PLEKHM1: variants seen among roughly 807,000 people sequenced by gnomAD.
PLEKHM1 encodes pleckstrin homology domain-containing family M member 1.
PLEKHM1 carries 28 observed loss-of-function variants against 94.3 expected under a neutral mutation model. The ratio of observed to expected loss-of-function variants is 0.30; its 90% CI spans 0.22 to 0.41. The LOEUF is 0.41. Among genes scored for constraint, PLEKHM1 ranks in the 10% least tolerant of loss-of-function variants. The pLI, the probability that PLEKHM1 is intolerant of heterozygous loss-of-function variation, is 1.00. For missense variants in PLEKHM1, 907 were observed against 1,358.6 expected (o/e 0.67, Z 5.22); for synonymous variants, 424 against 581.2 (o/e 0.73, Z 3.89).
chr17:45,445,766 T>G lies in PLEKHM1; in HGVS notation c.2644-103A>C. On this transcript the variant is annotated intron_variant, in intron 8 of 11. Transcript: ENST00000430334. This position sits in a 1 kb window ranked among gnomAD's most constrained non-coding sequence, Gnocchi z 4.2. The stretch of plus-strand genomic sequence containing the variant: ...CTGCTCACTTACCTGAGGGGCTATC[T>G]TCATTTTACAGATGGGGAAACTGAG... 1 of 810,134 alleles carries G rather than the reference T, an allele frequency of 1.2e-6. No homozygotes were observed. Among genetic ancestry groups the G allele is most frequent in the South Asian group, 1.4e-5 (1 of 70,792 alleles). The allele number at this position is 810,134 out of a possible 1,614,324, so 50.2% of individuals were successfully genotyped here. A position where few individuals can be genotyped will look rare whatever the true frequency, so the allele number is the denominator to read the frequency against.
chr17:45,440,942 C>T (rs959849784), intron 9 of PLEKHM1: 1 of 156,156 alleles, frequency 6.4e-6, no homozygotes, highest in African/African-American at 2.4e-5. Flanking sequence ...TTCAGTGCTA[C>T]ACTGGTTTCA....
chr17:45,457,764 A>C (rs1311152470), intron 6 of PLEKHM1, among the ~76,000 whole-genome samples: 1 of 152,114 alleles, frequency 6.6e-6, no homozygotes, highest in East Asian at 1.9e-4. Flanking sequence ...AGATTTGATC[A>C]AGCCACCCAG....
chr17:45,460,385 G>A (rs1193035092), intron 5 of PLEKHM1: 3 of 151,974 alleles, frequency 2.0e-5, no homozygotes, highest in Non-Finnish European at 2.9e-5. Flanking sequence ...TCGGCCTCCC[G>A]AGTAGCTGGG....
At chr17:45,480,888 G>A (rs1449200594) in intron 2 of PLEKHM1, among the ~76,000 whole-genome samples, 1 of 152,174 alleles carries the variant, frequency 6.6e-6, no homozygotes, top group Non-Finnish European at 1.5e-5. Context: ...GAACATCCAT[G>A]TACAAGTTTT....
In PLEKHM1 at chr17:45,436,044, T is replaced by G. The variant is rs1282362803; in HGVS notation, c.*1814A>C. 2.2e-6 allele frequency: 1 copy of G among 456,516 alleles called. No individual in the cohort carries two copies. Among genetic ancestry groups the G allele is most frequent in the Admixed American group, 2.3e-5 (1 of 42,566 alleles). The allele number at this position is 456,516 out of a possible 1,614,324, so 28.3% of individuals were successfully genotyped here. On this transcript the variant is annotated 3_prime_UTR_variant, in exon 12 of 12. Coordinates refer to ENST00000430334, the MANE Select transcript of PLEKHM1 (RefSeq NM_014798.3). ...GCATAAAATAACATTTTAAAAATAG[T>G]GTGGGCACTACCTTTCTGAGGGAGG...
chr17:45,484,467 T>C (rs1438078897), intron 1 of PLEKHM1, among the ~76,000 whole-genome samples: 1 of 152,242 alleles, frequency 6.6e-6, no homozygotes, highest in Non-Finnish European at 1.5e-5. Flanking sequence ...TTCAGCCAAT[T>C]GCCAATCAGG....
rs760898233 is a variant in PLEKHM1 at position 45,475,330 on chromosome 17, G to A, written c.693C>T (p.Asp231=). The A allele has an allele frequency of 2.5e-6, 4 of 1,613,990 alleles. No individual in the cohort carries two copies. The South Asian group carries it at 4.4e-5, about 18-fold the overall frequency. The part of the protein sequence containing the change: ...DSISHSSGSE[D]IEVHHSGHKI... Reference sequence around the variant, plus strand: ...TATGGCCCGAGTGATGGACTTCGATGTCTTCAGAGCCTGAAGAATGGGAAA... The same window carrying A: ...TATGGCCCGAGTGATGGACTTCGATATCTTCAGAGCCTGAAGAATGGGAAA... The change falls in exon 4 of 12, where the codon GAC becomes GAT. Residue 231 remains aspartate (D), a synonymous_variant. Coordinates refer to ENST00000430334, the MANE Select transcript of PLEKHM1 (RefSeq NM_014798.3).
chr17:45,471,877 C>G (rs2051525241), intron 4 of PLEKHM1, among the ~76,000 whole-genome samples: 1 of 152,206 alleles, frequency 6.6e-6, no homozygotes, highest in Non-Finnish European at 1.5e-5. Flanking sequence ...ACCCTCCAGA[C>G]TATACCTATG....
Position 45,453,079 on chromosome 17 carries a change from G to A in PLEKHM1, c.2497+276C>T. ...AAAATGAAGCAGGCTGGGACTCCCT[G>A]AGCAGCGCAGTGAGTAGCCAGCCTG... On this transcript the variant is annotated intron_variant, in intron 7 of 11. Coordinates refer to ENST00000430334, the MANE Select transcript of PLEKHM1 (RefSeq NM_014798.3). The surrounding 1 kb of genome is among the most constrained non-coding windows in gnomAD (Gnocchi z 4.1). 1.7e-6 allele frequency: 1 copy of A among 594,096 alleles called. No individual in the cohort carries two copies. Among genetic ancestry groups the A allele is most frequent in the Admixed American group, 2.9e-5 (1 of 33,974 alleles). The allele number at this position is 594,096 out of a possible 1,614,324, so 36.8% of individuals were successfully genotyped here. A position where few individuals can be genotyped will look rare whatever the true frequency, so the allele number is the denominator to read the frequency against.
At chr17:45,467,718 GC>G (rs2051360498) in intron 5 of PLEKHM1, among the ~76,000 whole-genome samples, 1 of 152,138 alleles carries the variant, frequency 6.6e-6, no homozygotes, top group African/African-American at 2.4e-5. Context: ...CAGAGATTGT[GC>G]CACTGCACTC....
At chr17:45,479,408 C>T (rs1206607278) in intron 2 of PLEKHM1, among the ~76,000 whole-genome samples, 6 of 151,946 alleles carry the variant, frequency 3.9e-5, no homozygotes, top group South Asian at 2.1e-4. Flanking sequence ...GTCCCAGCTA[C>T]GCGGGAGGCT....
At chr17:45,450,123 G>A (rs1393494179) in intron 8 of PLEKHM1, among the ~76,000 whole-genome samples, 24 of 112,326 alleles carry the variant, frequency 2.1e-4, no homozygotes, top group Middle Eastern at 7.8e-3. Flanking sequence ...CCACCTAGCC[G>A]CCTGCTCATC....
In PLEKHM1 at chr17:45,445,389, A is replaced by G; in HGVS notation, c.2837+81T>C. ...CATGTGTATGTGTGTCTGTGTGTAC[A>G]TGTGCATATAAGTATGTGTTTGTGT... On this transcript the variant is annotated intron_variant, in intron 9 of 11. Coordinates refer to ENST00000430334, the MANE Select transcript of PLEKHM1 (RefSeq NM_014798.3). This position sits in a 1 kb window ranked among gnomAD's most constrained non-coding sequence, Gnocchi z 4.2. 2 of 1,131,242 alleles carry G rather than the reference A, an allele frequency of 1.8e-6. No homozygotes were observed. The highest frequency in any genetic ancestry group is 2.5e-4 in the Middle Eastern group (1 of 4,010). The allele number at this position is 1,131,242 out of a possible 1,614,324, so 70.1% of individuals were successfully genotyped here. A position where few individuals can be genotyped will look rare whatever the true frequency, so the allele number is the denominator to read the frequency against.
At chr17:45,487,437 A>G (rs1050700631) in intron 1 of PLEKHM1, among the ~76,000 whole-genome samples, 7 of 152,238 alleles carry the variant, frequency 4.6e-5, no homozygotes, top group African/African-American at 1.7e-4. Flanking sequence ...CAGACAAACT[A>G]TTACTTCTTC....
intron 4 of PLEKHM1, 145 bp from the exon 5 acceptor site, chr17:45,468,738 C>T (rs1383165509): frequency 2.3e-5 from 19 of 836,770 alleles, no homozygotes; most frequent in Non-Finnish European, 3.2e-5. Flanking sequence ...CACTCCCCCT[C>T]ACGCAGTCCT....
rs753234762 is a variant in PLEKHM1 at position 45,445,461 on chromosome 17, G to A, written c.2837+9C>T. On this transcript the variant is annotated intron_variant, in intron 9 of 11. Transcript: ENST00000430334. The surrounding 1 kb of genome is among the most constrained non-coding windows in gnomAD (Gnocchi z 4.2). ...TGCACTCACACGCATACACGTAGAG[G>A]TTGCTCACCTCTTGCTGAGCTCCTT... The A allele has an allele frequency of 1.2e-5, 19 of 1,611,128 alleles. No individual in the cohort carries two copies. The highest frequency in any genetic ancestry group is 1.6e-5 in the Non-Finnish European group (19 of 1,177,436).
intron 1 of PLEKHM1, among the ~76,000 whole-genome samples, chr17:45,489,982 A>T (rs927028432): frequency 6.6e-6 from 1 of 152,144 alleles, no homozygotes; most frequent in Non-Finnish European, 1.5e-5. Context: ...TGTCCTCAGT[A>T]CGGCAGGAGA....
At chr17:45,464,607 A>G (rs2051261379) in intron 5 of PLEKHM1, among the ~76,000 whole-genome samples, 1 of 152,110 alleles carries the variant, frequency 6.6e-6, no homozygotes, top group African/African-American at 2.4e-5. Flanking sequence ...GCAGTGAATG[A>G]ATCCACAACT....
At position 45,435,953 on chromosome 17, in the gene PLEKHM1, C is replaced by T. The variant is rs1160223638; in HGVS notation, c.*1905G>A. ...AAATCATTCAAAACTCACACGGCAG[C>T]AATTCCTTCAATACATTGCAAAGAC... On this transcript the variant is annotated 3_prime_UTR_variant, in exon 12 of 12. Coordinates refer to ENST00000430334, the MANE Select transcript of PLEKHM1 (RefSeq NM_014798.3). 2 of 456,404 alleles carry T rather than the reference C, an allele frequency of 4.4e-6. No homozygotes were observed. Among genetic ancestry groups the T allele is most frequent in the South Asian group, 3.1e-5 (2 of 64,566 alleles). The allele number at this position is 456,404 out of a possible 1,614,324, so 28.3% of individuals were successfully genotyped here. A position where few individuals can be genotyped will look rare whatever the true frequency, so the allele number is the denominator to read the frequency against.
Sources: allele counts gnomAD v4.1 joint callset (sites outside exome capture counted in the v4.1 genomes callset), GRCh38; gene constraint gnomAD v4.1.1; non-coding constraint Gnocchi (gnomAD v3.1); transcripts MANE v1.5; gene names NCBI Gene and HGNC (gene_info 2026-07-23, HGNC 2026-07-21).